Variants in PSD3 observed in about 807,000 individuals in gnomAD.
The protein encoded by PSD3 is pleckstrin and Sec7 domain containing 3.
Under a neutral mutation model 105.5 loss-of-function variants are expected in PSD3, and 49 were observed. The ratio of observed to expected loss-of-function variants is 0.46; its 90% confidence interval spans 0.37 to 0.59. PSD3 has a LOEUF of 0.59. PSD3 is among the 20% of genes least tolerant of loss of function. The pLI, the probability that PSD3 is intolerant of heterozygous loss-of-function variation, is 0.00. For synonymous variants in PSD3, 557 were observed against 457.8 expected, an observed-to-expected ratio of 1.22 and a Z score of -2.77; for missense variants, 1,561 against 1,263.8, an observed-to-expected ratio of 1.24 and a Z score of -3.57.
chr8:19,061,391 T>C (rs1342997471), intron 1 of PSD3, among the ~76,000 whole-genome samples: 2 of 152,178 alleles, frequency 1.3e-5, no homozygotes, highest in East Asian at 3.8e-4. Context: ...ACGCTATTAT[T>C]AACAAAATGA....
rs144604978 is a variant in PSD3 at position 18,916,136 on chromosome 8, T to A, written c.130+19898A>T. ...TAAAAGTAAAAATAGAACTACCATA[T>A]GATCCAGCAATCCCATTTCTGTGTA... On this transcript the variant is annotated intron_variant, in intron 2 of 15. Coordinates refer to ENST00000327040, the MANE Select transcript of PSD3 (RefSeq NM_015310.4). Among the ~76,000 whole-genome samples the A allele has an allele frequency of 1.0e-3, 159 of 151,558 alleles. 1 individual carries two copies. The East Asian group carries it at 0.026, about 25-fold the overall frequency.
chr8:18,899,588 G>C (rs1050178731), intron 2 of PSD3, among the ~76,000 whole-genome samples: 16 of 152,178 alleles, frequency 1.1e-4, no homozygotes, highest in African/African-American at 3.9e-4. Flanking sequence ...TAGAGATACT[G>C]TGTTTGGGGG....
In PSD3 at chr8:18,567,312, A is replaced by T. The variant is rs148267411; in HGVS notation, c.2784+5216T>A. On this transcript the variant is annotated intron_variant, in intron 14 of 15. Coordinates refer to ENST00000327040, the MANE Select transcript of PSD3 (RefSeq NM_015310.4). ...GTTACTTGATTTTTTCCCTCCCCTT[A>T]TATCGTGTAATGTGATTTACCTTTT... is the stretch of plus-strand genomic sequence containing the variant. 5.1e-3 allele frequency among the ~76,000 whole-genome samples: 776 copies of T among 151,804 alleles called. 9 individuals carry two copies. The highest frequency in any genetic ancestry group is 0.018 in the African/African-American group (730 of 41,354).
rs76243051 is a variant in PSD3, at chr8:18,890,209, T to C, written c.131-17476A>G. 3.7e-3 allele frequency among the ~76,000 whole-genome samples: 556 copies of C among 152,312 alleles called. 3 individuals carry two copies. The highest frequency in any genetic ancestry group is 0.013 in the African/African-American group (537 of 41,556). ...ATAATTCCTTATGTAAAGTAACTTT[T>C]CCTTCATTGAACAAGTTCCAGTAAA... On this transcript the variant is annotated intron_variant, in intron 2 of 15. Transcript: ENST00000327040.
upstream of PSD3, among the ~76,000 whole-genome samples, chr8:19,018,681 G>T (rs985721666): frequency 6.6e-6 from 1 of 152,186 alleles, no homozygotes; most frequent in Non-Finnish European, 1.5e-5. Flanking sequence ...ATTTGTTTGG[G>T]CATTAAAGAT....
chr8:18,859,393 G>A (rs1241229814), intron 4 of PSD3, among the ~76,000 whole-genome samples: 1 of 152,136 alleles, frequency 6.6e-6, no homozygotes, highest in Non-Finnish European at 1.5e-5. Context: ...AGGATTTTGA[G>A]AAGGGAAAAT....
intron 4 of PSD3, among the ~76,000 whole-genome samples, chr8:18,817,342 T>G (rs911235765): frequency 2.6e-5 from 4 of 152,174 alleles, no homozygotes; most frequent in Non-Finnish European, 4.4e-5. Context: ...TCCATGACCA[T>G]CACATCATCT....
At chr8:18,967,160 AT>A (rs11440661) in intron 1 of PSD3, among the ~76,000 whole-genome samples, 38 of 147,394 alleles carry the variant, frequency 2.6e-4, no homozygotes, top group South Asian at 1.5e-3. Flanking sequence ...TTCTTTATTT[AT>A]TTTTTTTTTT....
At chr8:18,890,572 G>A (rs1232809107) in intron 2 of PSD3, among the ~76,000 whole-genome samples, 1 of 152,116 alleles carries the variant, frequency 6.6e-6, no homozygotes, top group Non-Finnish European at 1.5e-5. Flanking sequence ...AACTTATAAA[G>A]GGTATACATA....
At chr8:18,877,044 TTA>T (rs1817774289) in intron 2 of PSD3, among the ~76,000 whole-genome samples, 1 of 152,206 alleles carries the variant, frequency 6.6e-6, no homozygotes. Context: ...TAAGAGTTCT[TTA>T]TATATTCTGG....
chr8:18,589,233 G>A (rs1803421792), intron 12 of PSD3, among the ~76,000 whole-genome samples: 1 of 152,090 alleles, frequency 6.6e-6, no homozygotes, highest in Non-Finnish European at 1.5e-5. Flanking sequence ...AGACTCCATA[G>A]GAAAATAAAG....
chr8:18,613,312 GT>G (rs557118289), intron 11 of PSD3, among the ~76,000 whole-genome samples: 8 of 152,088 alleles, frequency 5.3e-5, no homozygotes, highest in Admixed American at 1.3e-4. Context: ...GGAGGAGGGG[GT>G]GGGGCCTTGG....
intron 15 of PSD3, among the ~76,000 whole-genome samples, chr8:18,545,732 C>T (rs573690006): frequency 1.3e-5 from 2 of 152,304 alleles, no homozygotes; most frequent in South Asian, 4.1e-4. Context: ...GCTTTTCCTT[C>T]TGATTGTACT....
intron 14 of PSD3, among the ~76,000 whole-genome samples, chr8:18,562,868 G>A (rs1266679077): frequency 6.6e-6 from 1 of 151,520 alleles, no homozygotes; most frequent in Non-Finnish European, 1.5e-5. Context: ...CAGCCTGGGC[G>A]ACAGAGTGAG....
chr8:18,816,960 G>A (rs1812268655), intron 4 of PSD3, among the ~76,000 whole-genome samples: 1 of 152,182 alleles, frequency 6.6e-6, no homozygotes, highest in South Asian at 2.1e-4. Flanking sequence ...CATGTGAGTA[G>A]AAAATAGAAG....
upstream of PSD3, among the ~76,000 whole-genome samples, chr8:19,016,128 T>A (rs2129475669): frequency 6.6e-6 from 1 of 152,324 alleles, no homozygotes; most frequent in Non-Finnish European, 1.5e-5. Flanking sequence ...TTGGAAATAT[T>A]AAAAATGAAG....
chr8:18,896,726 T>C (rs1819174064), intron 2 of PSD3, among the ~76,000 whole-genome samples: 1 of 152,000 alleles, frequency 6.6e-6, no homozygotes, highest in African/African-American at 2.4e-5. Flanking sequence ...TTAATGGGTT[T>C]ACTAATTTAC....
intron 1 of PSD3, among the ~76,000 whole-genome samples, chr8:18,957,346 G>A (rs2129470814): frequency 6.8e-6 from 1 of 147,700 alleles, no homozygotes; most frequent in Non-Finnish European, 1.5e-5. Flanking sequence ...ACTCTAGCCT[G>A]GTAACAGAAC....
At chr8:18,601,742 A>G (rs1455716987) in intron 11 of PSD3, among the ~76,000 whole-genome samples, 2 of 152,238 alleles carry the variant, frequency 1.3e-5, no homozygotes, top group Admixed American at 6.5e-5. Flanking sequence ...AGCAACTAAG[A>G]TAAACAGATA....
Sources: allele counts gnomAD v4.1 joint callset (sites outside exome capture counted in the v4.1 genomes callset), GRCh38; gene constraint gnomAD v4.1.1; transcripts MANE v1.5; gene names NCBI Gene and HGNC (gene_info 2026-07-23, HGNC 2026-07-21).